ZNF140: variants seen among roughly 807,000 people sequenced by gnomAD.
ZNF140 encodes zinc finger protein 140, also known as zinc finger protein 140 (clone pHZ-39).
In ZNF140, 13 loss-of-function variants were observed where a neutral mutation model predicts 12.9. The observed-to-expected ratio is 1.01, with a 90% CI of 0.66 to 1.60. The LOEUF (loss-of-function observed/expected upper bound fraction) is 1.60, where lower values mean the gene tolerates loss of function less well. Ranked by LOEUF, ZNF140 falls within the 40% of genes most tolerant of loss-of-function variation. The pLI, the probability that ZNF140 is intolerant of heterozygous loss-of-function variation, is 0.00. For missense variants in ZNF140, 531 were observed against 548.8 expected, an observed-to-expected ratio of 0.97 and a Z score of 0.32; for synonymous variants, 214 against 186.7, an observed-to-expected ratio of 1.15 and a Z score of -1.19.
Position 133,083,517 on chromosome 12 carries a change from A to T in ZNF140, c.188A>T (p.Glu63Val). ...DVVSLLEQGK[E>V]PWLGKREVKR... ...GTTTCCTTATTGGAGCAAGGGAAAG[A>T]ACCCTGGCTGGGGAAAAGGGAAGTG... The change falls in exon 4 of 5, where the codon GAA becomes GTA. Residue 63 changes from glutamate to valine, a missense_variant. Coordinates refer to ENST00000355557, the MANE Select transcript of ZNF140 (RefSeq NM_003440.4). 1 of 1,614,096 alleles carries T rather than the reference A, an allele frequency of 6.2e-7. No homozygotes were observed. The highest frequency in any genetic ancestry group is 1.1e-5 in the South Asian group (1 of 91,076).
intron 4 of ZNF140, among the ~76,000 whole-genome samples, chr12:133,096,131 C>A (rs1955111804): frequency 6.6e-6 from 1 of 151,532 alleles, no homozygotes; most frequent in Admixed American, 6.6e-5. Flanking sequence ...AAACCTTGGA[C>A]AATACCCCGC....
intron 4 of ZNF140, among the ~76,000 whole-genome samples, chr12:133,096,045 T>A (rs1955103493): frequency 6.6e-6 from 1 of 151,034 alleles, no homozygotes; most frequent in South Asian, 2.1e-4. Context: ...CACAGACCCT[T>A]TATGGGTGTC....
chr12:133,081,356 T>TATATATATATAC (rs1319873331), intron 2 of ZNF140, 27 bp downstream of exon 2: 15 of 259,518 alleles, frequency 5.8e-5, no homozygotes, highest in Admixed American at 4.7e-4. Flanking sequence ...TAAATATATA[T>TATATATATATAC]ATATATATAT....
At chr12:133,100,893 G>A (rs1177500703) in intron 4 of ZNF140, 2 of 398,080 alleles carry the variant, frequency 5.0e-6, no homozygotes, top group East Asian at 7.6e-5. Context: ...GGAGCAGGAT[G>A]GTGCGAGACG....
At chr12:133,096,061 G>C (rs1272623072) in intron 4 of ZNF140, among the ~76,000 whole-genome samples, 5 of 151,404 alleles carry the variant, frequency 3.3e-5, no homozygotes, top group East Asian at 1.9e-4. Flanking sequence ...GTGTCGGGCT[G>C]GGGGATGGTC....
intron 4 of ZNF140, among the ~76,000 whole-genome samples, chr12:133,101,594 G>A (rs1009841057): frequency 3.3e-5 from 5 of 152,036 alleles, no homozygotes; most frequent in Admixed American, 2.6e-4. Flanking sequence ...ACAGGCAGTC[G>A]CTACCACGCC....
chr12:133,088,469 C>T (rs1954755716), intron 4 of ZNF140, among the ~76,000 whole-genome samples: 1 of 152,158 alleles, frequency 6.6e-6, no homozygotes, highest in South Asian at 2.1e-4. Context: ...AATAATATTC[C>T]ATTGTCTGCA....
chr12:133,090,602 A>C (rs1954822564), intron 4 of ZNF140, among the ~76,000 whole-genome samples: 1 of 152,002 alleles, frequency 6.6e-6, no homozygotes, highest in East Asian at 1.9e-4. Context: ...AGACTGAGAA[A>C]AGAAAGAAGA....
chr12:133,088,154 GAAGA>G (rs1954740013), intron 4 of ZNF140, among the ~76,000 whole-genome samples: 2 of 151,722 alleles, frequency 1.3e-5, no homozygotes, highest in Non-Finnish European at 2.9e-5. Flanking sequence ...AAAAAGGAAG[GAAGA>G]AAGAAGGGAG....
intron 2 of ZNF140, chr12:133,082,207 T>A (rs1323433478): frequency 1.2e-4 from 18 of 152,374 alleles, no homozygotes; most frequent in African/African-American, 3.6e-4. Context: ...CTTTTTGTCA[T>A]ACTTCTCTCC....
intron 4 of ZNF140, among the ~76,000 whole-genome samples, chr12:133,101,842 T>A (rs1955361340): frequency 6.6e-6 from 1 of 152,246 alleles, no homozygotes; most frequent in African/African-American, 2.4e-5. Context: ...TCTTGTATAC[T>A]TTTTCCCAGT....
chr12:133,103,127 T>TC (rs1229946465), intron 4 of ZNF140, among the ~76,000 whole-genome samples: 2 of 152,218 alleles, frequency 1.3e-5, no homozygotes, highest in Non-Finnish European at 2.9e-5. Flanking sequence ...AATTAGCAAA[T>TC]CCATTATCTC....
Position 133,092,670 on chromosome 12 carries a change from G to A in ZNF140, c.232+9109G>A, listed in dbSNP as rs1435728200. On this transcript the variant is annotated intron_variant, in intron 4 of 4. Transcript: ENST00000355557. ...TTTTCACCCCATTTCCATGGATAGGGTGATTCTAGCCTTCTGTAAACCTGG... is the reference window on the plus strand; with the variant it reads ...TTTTCACCCCATTTCCATGGATAGGATGATTCTAGCCTTCTGTAAACCTGG... 6.0e-5 allele frequency among the ~76,000 whole-genome samples: 9 copies of A among 151,138 alleles called. 1 individual carries two copies. The highest frequency in any genetic ancestry group is 8.8e-5 in the Non-Finnish European group (6 of 67,858).
At chr12:133,086,972 T>A (rs1351896322) in intron 4 of ZNF140, among the ~76,000 whole-genome samples, 2 of 152,244 alleles carry the variant, frequency 1.3e-5, no homozygotes, top group African/African-American at 4.8e-5. Flanking sequence ...TCTCTTTCAT[T>A]TTTCTCTTTG....
intron 4 of ZNF140, among the ~76,000 whole-genome samples, chr12:133,087,717 T>C (rs1954719862): frequency 6.6e-6 from 1 of 152,242 alleles, no homozygotes; most frequent in Non-Finnish European, 1.5e-5. Context: ...GAATTTTCTT[T>C]GTAGAATTGT....
rs1954456670 is a variant in ZNF140, at chr12:133,081,076, AG to A, written c.-49+9del. On this transcript the variant is annotated splice_donor_5th_base_variant and intron_variant, in intron 1 of 4. Coordinates refer to ENST00000355557, the MANE Select transcript of ZNF140 (RefSeq NM_003440.4). ...ATCCTTCTGTGGCCACTGTTAGGTGAGGGGGTTCTGGGGAGGCGCGCCGTGG... is the reference window on the plus strand; with the variant it reads ...ATCCTTCTGTGGCCACTGTTAGGTGAGGGGTTCTGGGGAGGCGCGCCGTGG... 4.2e-6 allele frequency: 1 copy of A among 239,190 alleles called. No individual in the cohort carries two copies. Among genetic ancestry groups the A allele is most frequent in the South Asian group, 4.7e-5 (1 of 21,466 alleles). The allele number at this position is 239,190 out of a possible 1,614,324, so 14.8% of individuals were successfully genotyped here.
chr12:133,082,813 T>G (rs1897172284), intron 2 of ZNF140: 1 of 250,098 alleles, frequency 4.0e-6, no homozygotes, highest in African/African-American at 2.2e-5. Flanking sequence ...TTAAGAATTT[T>G]TACAACCAAT....
chr12:133,090,811 T>C lies in ZNF140; in HGVS notation c.232+7250T>C, dbSNP rs937907462. On this transcript the variant is annotated intron_variant, in intron 4 of 4. Coordinates refer to ENST00000355557, the MANE Select transcript of ZNF140 (RefSeq NM_003440.4). ...CAAAAAACATGTGAGCAAAAGAATCTATATCATAATTAGGTTTAAGGGAAG... is the reference window on the plus strand; with the variant it reads ...CAAAAAACATGTGAGCAAAAGAATCCATATCATAATTAGGTTTAAGGGAAG... Among the ~76,000 whole-genome samples the C allele has an allele frequency of 4.2e-4, 56 of 132,658 alleles. No individual in the cohort carries two copies. The East Asian group carries it at 0.01, about 24-fold the overall frequency. The allele number at this position is 132,658 out of a possible 152,430, so 87.0% of individuals were successfully genotyped here. A position where few individuals can be genotyped will look rare whatever the true frequency, so the allele number is the denominator to read the frequency against.
intron 4 of ZNF140, among the ~76,000 whole-genome samples, chr12:133,097,848 TG>T (rs1955189013): frequency 1.3e-5 from 2 of 151,344 alleles, no homozygotes; most frequent in Admixed American, 6.6e-5. Context: ...TGTGTGTGTG[TG>T]TTTTTGAGAT....
Sources: allele counts gnomAD v4.1 joint callset (sites outside exome capture counted in the v4.1 genomes callset), GRCh38; gene constraint gnomAD v4.1.1; transcripts MANE v1.5; gene names NCBI Gene and HGNC (gene_info 2026-07-23, HGNC 2026-07-21).